Variants in MAPK4 observed in about 807,000 individuals in gnomAD.
MAPK4 encodes mitogen-activated protein kinase 4, also known as Erk3-related.
In MAPK4, 22 loss-of-function variants were observed where a neutral mutation model predicts 47.7. The ratio of observed to expected loss-of-function variants is 0.46; its 90% CI spans 0.33 to 0.66. MAPK4 has a LOEUF of 0.66. Among genes scored for constraint, MAPK4 ranks in the 30% least tolerant of loss-of-function variants. The probability of loss-of-function intolerance (pLI) is 0.02; values close to 1 mark genes in which losing one functional copy is unlikely to be tolerated. For synonymous variants in MAPK4, 390 were observed against 365.7 expected (o/e 1.07, Z -0.76); for missense variants, 736 against 831.7 (o/e 0.88, Z 1.42).
intron 1 of MAPK4, among the ~76,000 whole-genome samples, chr18:50,563,631 C>T (rs577378950): frequency 6.6e-6 from 1 of 152,270 alleles, no homozygotes; most frequent in African/African-American, 2.4e-5. Flanking sequence ...TTCTTCAAGG[C>T]CAAGAATGTG....
intron 2 of MAPK4, among the ~76,000 whole-genome samples, chr18:50,700,082 G>GCCCCTCTCCAC (rs1312591362): frequency 6.6e-6 from 1 of 152,108 alleles, no homozygotes; most frequent in Non-Finnish European, 1.5e-5. Flanking sequence ...TCAACCTCCA[G>GCCCCTCTCCAC]CCCCTCTCCA....
intron 1 of MAPK4, among the ~76,000 whole-genome samples, chr18:50,614,165 A>G (rs986466653): frequency 2.0e-5 from 3 of 152,166 alleles, no homozygotes; most frequent in East Asian, 1.9e-4. Context: ...TTCATAAATT[A>G]TATATACTAT....
chr18:50,664,370 A>C lies in MAPK4; in HGVS notation c.412A>C (p.Lys138Gln). The C allele has an allele frequency of 2.5e-6, 4 of 1,613,960 alleles. No individual in the cohort carries two copies. The highest frequency in any genetic ancestry group is 3.4e-6 in the Non-Finnish European group (4 of 1,180,006). Residue 138 changes from lysine (K) to glutamine (Q), a missense_variant, in exon 2 of 6, where the codon AAG becomes CAG. Around this residue, in one of 3 missense-constraint regions of MAPK4, gnomAD observed 327 missense variants for 395.4 expected, o/e 0.83. Coordinates refer to ENST00000400384, the MANE Select transcript of MAPK4 (RefSeq NM_002747.4). This position sits in a 1 kb window ranked among gnomAD's most constrained non-coding sequence, Gnocchi z 6.0. ...CATGTACCAGCTGCTCCGCGGGCTC[A>C]AGTACATCCACTCCGCCAACGTGCT... Reference protein sequence around the residue: ...LFMYQLLRGLKYIHSANVLHR... With the variant: ...LFMYQLLRGLQYIHSANVLHR...
chr18:50,660,005 G>T (rs2043152650), intron 1 of MAPK4, among the ~76,000 whole-genome samples: 1 of 152,152 alleles, frequency 6.6e-6, no homozygotes, highest in Non-Finnish European at 1.5e-5. Context: ...TCCTCCCCAG[G>T]GCCAGTGGGC....
chr18:50,645,794 G>A (rs1032955388), intron 1 of MAPK4, among the ~76,000 whole-genome samples: 3 of 152,194 alleles, frequency 2.0e-5, no homozygotes, highest in East Asian at 1.9e-4. Context: ...GAAGGCTGGG[G>A]TTTGGGGCCC....
chr18:50,595,598 A>G (rs2042474988), intron 1 of MAPK4, among the ~76,000 whole-genome samples: 1 of 152,214 alleles, frequency 6.6e-6, no homozygotes, highest in African/African-American at 2.4e-5. Flanking sequence ...GACACATTCT[A>G]TATCTTGATT....
At chr18:50,712,261 T>C (rs1186421076) in intron 2 of MAPK4, among the ~76,000 whole-genome samples, 5 of 152,120 alleles carry the variant, frequency 3.3e-5, no homozygotes, top group African/African-American at 9.7e-5. Flanking sequence ...ACCCCATCTC[T>C]ACAAAACATA....
chr18:50,658,831 C>T (rs1440823460), intron 1 of MAPK4, among the ~76,000 whole-genome samples: 1 of 152,108 alleles, frequency 6.6e-6, no homozygotes, highest in Non-Finnish European at 1.5e-5. Flanking sequence ...AAGACTGAGT[C>T]CAAGAGGAAG....
intron 1 of MAPK4, among the ~76,000 whole-genome samples, chr18:50,597,254 A>G (rs1391254481): frequency 6.6e-6 from 1 of 152,224 alleles, no homozygotes; most frequent in Non-Finnish European, 1.5e-5. Flanking sequence ...ACCCACAGGA[A>G]AGGTCTCTTG....
At chr18:50,692,328 G>C (rs1034084008) in intron 2 of MAPK4, among the ~76,000 whole-genome samples, 8 of 152,150 alleles carry the variant, frequency 5.3e-5, no homozygotes, top group African/African-American at 1.7e-4. Context: ...ACCAAATGAT[G>C]CATATGAGAT....
chr18:50,605,369 G>T (rs2042573769), intron 1 of MAPK4, among the ~76,000 whole-genome samples: 1 of 152,194 alleles, frequency 6.6e-6, no homozygotes, highest in Non-Finnish European at 1.5e-5. Context: ...CTCTGAGGGA[G>T]AAATGTCAGG....
intron 2 of MAPK4, chr18:50,705,880 A>G (rs1204377137): frequency 6.6e-6 from 1 of 152,134 alleles, no homozygotes; most frequent in African/African-American, 2.4e-5. Context: ...TCCACTAGAC[A>G]TATCATCCAT....
intron 1 of MAPK4, among the ~76,000 whole-genome samples, chr18:50,587,640 C>A (rs2042400222): frequency 6.6e-6 from 1 of 152,202 alleles, no homozygotes; most frequent in Admixed American, 6.5e-5. Context: ...TAAAGACTAA[C>A]TTCCCAAGAC....
Position 50,730,045 on chromosome 18 carries a change from C to T in MAPK4, c.*191C>T, listed in dbSNP as rs1490031728. ...ATAACTAGCCTTTAACCTGTGGGAG[C>T]GGGTTTGAACAGGACCCTGGCTTAG... On this transcript the variant is annotated 3_prime_UTR_variant, in exon 6 of 6. Coordinates refer to ENST00000400384, the MANE Select transcript of MAPK4 (RefSeq NM_002747.4). 9.1e-6 allele frequency: 5 copies of T among 547,174 alleles called. No homozygotes were observed. Among genetic ancestry groups the T allele is most frequent in the South Asian group, 4.2e-5 (1 of 23,974 alleles). The allele number at this position is 547,174 out of a possible 1,614,324, so 33.9% of individuals were successfully genotyped here.
At chr18:50,721,903 A>C in intron 3 of MAPK4, 35 bp from the exon 4 acceptor site, 1 of 1,612,128 alleles carries the variant, frequency 6.2e-7, no homozygotes, top group Non-Finnish European at 8.5e-7. Context: ...AGCCCCTTGG[A>C]CAGCACACTT....
intron 2 of MAPK4, among the ~76,000 whole-genome samples, chr18:50,668,205 A>C (rs551100298): frequency 6.6e-6 from 1 of 152,326 alleles, no homozygotes; most frequent in East Asian, 1.9e-4. Flanking sequence ...GGTCCTGAGC[A>C]CAGAAGCATC....
At position 50,730,865 on chromosome 18, in the gene MAPK4, T is replaced by A. The variant is rs531643873; in HGVS notation, c.*1011T>A. The A allele has an allele frequency of 2.6e-3, 399 of 152,056 alleles. 1 individual carries two copies. Among genetic ancestry groups the A allele is most frequent in the Non-Finnish European group, 4.5e-3 (304 of 67,954 alleles). 9.4% of individuals were successfully genotyped at this position (152,056 alleles called of 1,614,324 possible). A position where few individuals can be genotyped will look rare whatever the true frequency, so the allele number is the denominator to read the frequency against. On this transcript the variant is annotated 3_prime_UTR_variant, in exon 6 of 6. Coordinates refer to ENST00000400384, the MANE Select transcript of MAPK4 (RefSeq NM_002747.4). ...TCCAGACCTACCTCGGGACCTAATG[T>A]TCTCTACATGAACTGCTCATTTGGA...
intron 1 of MAPK4, among the ~76,000 whole-genome samples, chr18:50,563,526 C>T (rs760973989): frequency 1.3e-5 from 2 of 152,190 alleles, no homozygotes; most frequent in Non-Finnish European, 2.9e-5. Context: ...ACCTTTGTCT[C>T]CTGTCCTGGC....
At chr18:50,725,922 G>C in intron 4 of MAPK4, 40 bp from the exon 5 acceptor site, 1 of 1,528,812 alleles carries the variant, frequency 6.5e-7, no homozygotes, top group Non-Finnish European at 9.1e-7. Context: ...GCTCAACAAG[G>C]GCAACAAATG....
Sources: gnomAD v4.1 joint callset for allele counts (sites outside exome capture counted in the v4.1 genomes callset) on GRCh38, gnomAD v4.1.1 for gene constraint, gnomAD v4.1.1 regional missense constraint, Gnocchi (gnomAD v3.1) non-coding constraint, MANE v1.5 for transcripts, NCBI Gene and HGNC (gene_info 2026-07-23, HGNC 2026-07-21) for gene names.